Variants in LRP4 observed in about 807,000 individuals in gnomAD.
The protein encoded by LRP4 is low-density lipoprotein receptor-related protein 4.
Under a neutral mutation model 220.3 loss-of-function variants are expected in LRP4, and 95 were observed. The observed-to-expected ratio is 0.43, with a 90% CI of 0.37 to 0.51. The LOEUF (loss-of-function observed/expected upper bound fraction) is 0.51, where lower values mean the gene tolerates loss of function less well. Ranked by LOEUF, LRP4 falls within the 20% of genes least tolerant of loss-of-function variation. The probability of loss-of-function intolerance (pLI) is 0.00; values close to 1 mark genes in which losing one functional copy is unlikely to be tolerated. For missense variants in LRP4, 1,925 were observed against 2,567.0 expected (o/e 0.75, Z 5.40); for synonymous variants, 903 against 954.6 (o/e 0.95, Z 1.00).
intron 1 of LRP4, among the ~76,000 whole-genome samples, chr11:46,912,759 G>A (rs964993183): frequency 6.6e-6 from 1 of 152,168 alleles, no homozygotes; most frequent in Non-Finnish European, 1.5e-5. Flanking sequence ...GTGTCTCTCT[G>A]GATACCCTTC....
chr11:46,909,607 G>A (rs1479166278), intron 1 of LRP4, among the ~76,000 whole-genome samples: 6 of 35,482 alleles, frequency 1.7e-4, no homozygotes, highest in Non-Finnish European at 2.9e-4. Context: ...GCGAGACTCC[G>A]TCTCAAAAAA....
chr11:46,889,629 G>T, intron 15 of LRP4, 96 bp from the exon 16 acceptor site: 1 of 1,515,262 alleles, frequency 6.6e-7, no homozygotes, highest in Non-Finnish European at 9.1e-7. Flanking sequence ...ATAGTTCCCT[G>T]AAGGGAGAAA....
chr11:46,910,341 T>C (rs941050352), intron 1 of LRP4, among the ~76,000 whole-genome samples: 2 of 152,232 alleles, frequency 1.3e-5, no homozygotes, highest in Non-Finnish European at 2.9e-5. Flanking sequence ...AAAATTGGGA[T>C]AATAAAATCC....
At position 46,868,689 on chromosome 11, in the gene LRP4, T is replaced by C. The variant is rs748615526; in HGVS notation, c.4862A>G (p.Asn1621Ser). The C allele has an allele frequency of 1.9e-6, 3 of 1,613,772 alleles. No individual in the cohort carries two copies. The highest frequency in any genetic ancestry group is 2.5e-6 in the Non-Finnish European group (3 of 1,179,684). ...AAAGCAGAGGTGGGTGCAGCCACCA[T>C]TGTTCACACCACAGGCATTGGTCCC... ...QTGTNACGVN[N>S]GGCTHLCFAR... Residue 1621 changes from asparagine (N) to serine (S), a missense_variant, in exon 33 of 38, where the codon AAT becomes AGT. By Grantham distance (46) the Asn-to-Ser change is conservative (BLOSUM62 1). Coordinates refer to ENST00000378623, the MANE Select transcript of LRP4 (RefSeq NM_002334.4).
chr11:46,865,507 A>G (rs182148782), intron 34 of LRP4, among the ~76,000 whole-genome samples: 3,214 of 152,358 alleles, frequency 0.021, 47 homozygotes, highest in Non-Finnish European at 0.031. Flanking sequence ...TTAAACTACC[A>G]GGATGAGTCA....
At chr11:46,868,746 G>T in intron 32 of LRP4, 33 bp from the exon 33 acceptor site, 1 of 1,482,748 alleles carries the variant, frequency 6.7e-7, no homozygotes, top group Non-Finnish European at 9.4e-7. Flanking sequence ...TCTTATCTGG[G>T]ACAGAATCAG....
chr11:46,888,757 A>C (rs183560733), intron 16 of LRP4, among the ~76,000 whole-genome samples: 32 of 152,258 alleles, frequency 2.1e-4, no homozygotes, highest in Admixed American at 1.3e-4. Context: ...ACAGCTGCTG[A>C]TGTGTGAGGA....
At chr11:46,907,531 G>A (rs1006068799) in intron 1 of LRP4, among the ~76,000 whole-genome samples, 7 of 152,164 alleles carry the variant, frequency 4.6e-5, no homozygotes, top group African/African-American at 1.7e-4. Context: ...TAAAACATGA[G>A]ATTACTTGCG....
At chr11:46,869,832 G>A (rs1940811902) in intron 31 of LRP4, among the ~76,000 whole-genome samples, 1 of 152,186 alleles carries the variant, frequency 6.6e-6, no homozygotes, top group African/African-American at 2.4e-5. Flanking sequence ...GGCTAGGCCA[G>A]GTGCGGTGGC....
chr11:46,860,269 A>G (rs530699529), intron 37 of LRP4, among the ~76,000 whole-genome samples: 4 of 151,484 alleles, frequency 2.6e-5, no homozygotes, highest in African/African-American at 7.3e-5. Context: ...AAAAAAAACT[A>G]AAAAAAAGGA....
In LRP4 at chr11:46,875,405, C is replaced by T. The variant is rs756988085; in HGVS notation, c.3925+51G>A. On this transcript the variant is annotated intron_variant, in intron 27 of 37. Coordinates refer to ENST00000378623, the MANE Select transcript of LRP4 (RefSeq NM_002334.4). This position sits in a 1 kb window ranked among gnomAD's most constrained non-coding sequence, Gnocchi z 4.5. ...GGATATATCTCTGATGTTGAGATGG[C>T]CCCAGAAAGCCAGAGGCTCTGACTC... is the stretch of plus-strand genomic sequence containing the variant. The T allele has an allele frequency of 1.3e-6, 2 of 1,488,250 alleles. No individual in the cohort carries two copies. The highest frequency in any genetic ancestry group is 2.3e-5 in the South Asian group (2 of 88,092). 92.2% of individuals were successfully genotyped at this position (1,488,250 alleles called of 1,614,324 possible). A position where few individuals can be genotyped will look rare whatever the true frequency, so the allele number is the denominator to read the frequency against.
Position 46,902,904 on chromosome 11 carries a change from A to G in LRP4, c.78T>C (p.Ala26=), listed in dbSNP as rs971564222. ...AHGLASSPEC[A]CGRSHFTCAV... Reference sequence around the variant, plus strand: ...CACATGTGAAGTGGCTCCGACCACAAGCACACTCGGGGCTGCTGGCCAGGC... The same window carrying G: ...CACATGTGAAGTGGCTCCGACCACAGGCACACTCGGGGCTGCTGGCCAGGC... The change falls in exon 2 of 38, where the codon GCT becomes GCC. Residue 26 remains alanine, a synonymous_variant. Transcript: ENST00000378623. 6.2e-7 allele frequency: 1 copy of G among 1,614,148 alleles called. No individual in the cohort carries two copies. Among genetic ancestry groups the G allele is most frequent in the South Asian group, 1.1e-5 (1 of 91,088 alleles).
At chr11:46,881,668 G>A (rs1213852829) in intron 20 of LRP4, 34 bp downstream of exon 20, 2 of 1,594,538 alleles carry the variant, frequency 1.3e-6, no homozygotes, top group Non-Finnish European at 1.7e-6. Context: ...ATGTTTTAGT[G>A]CCACCCTTAC....
At position 46,918,384 on chromosome 11, in the gene LRP4, CCGCCCGCGCCGCT is replaced by C; in HGVS notation, c.-18_-6del. Reference sequence around the variant, plus strand: ...CGCGCCCCACTGCCGCCTCATGGTGCCGCCCGCGCCGCTCGCCCGGGGTCCCGCCGGCTCCCGC... The same window carrying C: ...CGCGCCCCACTGCCGCCTCATGGTGCCGCCCGGGGTCCCGCCGGCTCCCGC... On this transcript the variant is annotated 5_prime_UTR_variant, in exon 1 of 38. Transcript: ENST00000378623. This position sits in a 1 kb window ranked among gnomAD's most constrained non-coding sequence, Gnocchi z 6.0. 2 of 1,432,034 alleles carry C rather than the reference CCGCCCGCGCCGCT, an allele frequency of 1.4e-6. No individual in the cohort carries two copies. Among genetic ancestry groups the C allele is most frequent in the East Asian group, 6.2e-5 (2 of 32,142 alleles). The allele number at this position is 1,432,034 out of a possible 1,614,324, so 88.7% of individuals were successfully genotyped here. A position where few individuals can be genotyped will look rare whatever the true frequency, so the allele number is the denominator to read the frequency against.
chr11:46,889,818 C>A, intron 15 of LRP4, 126 bp downstream of exon 15: 1 of 1,101,058 alleles, frequency 9.1e-7, no homozygotes, highest in Non-Finnish European at 1.4e-6. Flanking sequence ...TAGCCCATGT[C>A]AGTGCCCTGC....
chr11:46,900,324 C>T lies in LRP4; in HGVS notation c.254G>A (p.Arg85His), dbSNP rs1011882566. The part of the protein sequence containing the change: ...DFHCDNGKCI[R>H]RSWVCDGDND... ...GTCCCCGTCACACACCCAGGAGCGG[C>T]GGATGCACTTGCCATTGTCACAGTG... Residue 85 changes from arginine (R) to histidine (H), a missense_variant, in exon 3 of 38, where the codon CGC (arginine) becomes CAC (histidine). Coordinates refer to ENST00000378623, the MANE Select transcript of LRP4 (RefSeq NM_002334.4). The T allele has an allele frequency of 6.2e-6, 10 of 1,613,996 alleles. No homozygotes were observed. The highest frequency in any genetic ancestry group is 2.2e-5 in the South Asian group (2 of 91,086).
At chr11:46,901,876 G>T (rs1184133916) in intron 2 of LRP4, among the ~76,000 whole-genome samples, 1 of 151,980 alleles carries the variant, frequency 6.6e-6, no homozygotes, top group Non-Finnish European at 1.5e-5. Flanking sequence ...GGGACCTCAG[G>T]TGCCTGCCAC....
In LRP4 at chr11:46,876,776, T is replaced by C. The variant is rs748305507; in HGVS notation, c.3332A>G (p.Asp1111Gly). The change falls in exon 24 of 38, where the codon GAT (aspartate) becomes GGT (glycine). Residue 1111 changes from aspartate (D) to glycine (G), a missense_variant. Around this residue, in one of 3 missense-constraint regions of LRP4, gnomAD observed 1,244 missense variants for 1,624.9 expected, o/e 0.77. Transcript: ENST00000378623. ...GATGATGTCCTCATGCTGTGAGCCA[T>C]CCAGATTGGCACGACTGATCCTGTG... Reference protein sequence around the residue: ...TLHRISRANLDGSQHEDIITT... With the variant: ...TLHRISRANLGGSQHEDIITT... 1.9e-6 allele frequency: 3 copies of C among 1,614,120 alleles called. No individual in the cohort carries two copies. In the South Asian group the frequency reaches 3.3e-5, roughly 18 times the overall value.
rs1000008076 is a variant in LRP4 at position 46,899,336 on chromosome 11, G to A, written c.547+51C>T. 1 of 1,434,288 alleles carries A rather than the reference G, an allele frequency of 7.0e-7. No individual in the cohort carries two copies. Among genetic ancestry groups the A allele is most frequent in the South Asian group, 1.1e-5 (1 of 87,394 alleles). The allele number at this position is 1,434,288 out of a possible 1,614,324, so 88.8% of individuals were successfully genotyped here. ...CAGCCTCGCCCTTAGCCAATGGGCAGAACTGTCTGCCCTCATCCAACCCAA... is the reference window on the plus strand; with the variant it reads ...CAGCCTCGCCCTTAGCCAATGGGCAAAACTGTCTGCCCTCATCCAACCCAA... On this transcript the variant is annotated intron_variant, in intron 5 of 37. Coordinates refer to ENST00000378623, the MANE Select transcript of LRP4 (RefSeq NM_002334.4). The surrounding 1 kb of genome is among the most constrained non-coding windows in gnomAD (Gnocchi z 5.9).
Sources: allele counts gnomAD v4.1 joint callset (sites outside exome capture counted in the v4.1 genomes callset), GRCh38; gene constraint gnomAD v4.1.1; regional missense constraint gnomAD v4.1.1; non-coding constraint Gnocchi (gnomAD v3.1); transcripts MANE v1.5; gene names NCBI Gene and HGNC (gene_info 2026-07-23, HGNC 2026-07-21).